The following DEAF1 variants were observed in gnomAD, a reference collection of about 807,000 sequenced individuals.
DEAF1 encodes DEAF1 transcription factor.
DEAF1 carries 53 observed loss-of-function variants against 58.9 expected under a neutral mutation model. The ratio of observed to expected loss-of-function variants is 0.90; its 90% CI spans 0.72 to 1.13. The LOEUF (loss-of-function observed/expected upper bound fraction) is 1.13, where lower values mean the gene tolerates loss of function less well. Ranked by LOEUF, DEAF1 falls within the 50% of genes most tolerant of loss-of-function variation. The pLI, the probability that DEAF1 is intolerant of heterozygous loss-of-function variation, is 0.00. For missense variants in DEAF1, 685 were observed against 791.4 expected, an observed-to-expected ratio of 0.87 and a Z score of 1.61; for synonymous variants, 385 against 340.4, an observed-to-expected ratio of 1.13 and a Z score of -1.44.
Position 686,990 on chromosome 11 carries a change from C to G in DEAF1, c.672G>C (p.Arg224=). Residue 224 remains arginine, a synonymous_variant, in exon 5 of 12, where the codon CGG becomes CGC. Transcript: ENST00000382409. ...LYKNRLGSGG[R]GRCIKQGENW... is the part of the protein sequence containing the mutation. ...TCTCCCCCTGCTTGATGCACCGTCC[C>G]CGGCCGCCTGCAAGGAAGGGCAGCA... The G allele has an allele frequency of 6.2e-7, 1 of 1,614,158 alleles. No individual in the cohort carries two copies.
At chr11:670,576 G>A (rs545472812) in intron 10 of DEAF1, among the ~76,000 whole-genome samples, 14 of 151,606 alleles carry the variant, frequency 9.2e-5, no homozygotes, top group South Asian at 8.3e-4. Flanking sequence ...ATAGCTGGGC[G>A]TGGTTGCACA....
intron 10 of DEAF1, among the ~76,000 whole-genome samples, chr11:669,057 C>T (rs1859684869): frequency 6.6e-6 from 1 of 151,322 alleles, no homozygotes; most frequent in African/African-American, 2.4e-5. Context: ...GACCTCCTGA[C>T]CTTGTGATCT....
At chr11:695,428 A>C, upstream of DEAF1, 1 of 436,426 alleles carries the variant, frequency 2.3e-6, no homozygotes, top group Non-Finnish European at 3.8e-6. Flanking sequence ...TGACAGGCTG[A>C]GGCGGCTGTC....
At chr11:695,697 G>A, upstream of DEAF1, 1 of 1,242,568 alleles carries the variant, frequency 8.0e-7, no homozygotes, top group South Asian at 3.8e-5. Context: ...GCCGTGGCTC[G>A]GACGTCCGCT....
intron 11 of DEAF1, 160 bp downstream of exon 11, chr11:653,802 G>T (rs939251025): frequency 1.0e-5 from 7 of 700,884 alleles, no homozygotes; most frequent in African/African-American, 7.0e-5. Context: ...CTTCTGCAGG[G>T]TCTTCACGGA....
At chr11:668,921 A>T (rs573143038) in intron 10 of DEAF1, among the ~76,000 whole-genome samples, 46 of 152,062 alleles carry the variant, frequency 3.0e-4, no homozygotes, top group African/African-American at 1.0e-3. Flanking sequence ...TGCCTCCTGG[A>T]TTCATGCCAT....
intron 10 of DEAF1, among the ~76,000 whole-genome samples, chr11:670,536 G>A (rs990700501): frequency 2.0e-5 from 3 of 151,322 alleles, no homozygotes; most frequent in Non-Finnish European, 4.4e-5. Context: ...CCAACATGGC[G>A]AAACCTCTTC....
chr11:695,048 C>G lies in DEAF1; in HGVS notation c.-1G>C. On this transcript the variant is annotated 5_prime_UTR_variant, in exon 1 of 12. Coordinates refer to ENST00000382409, the MANE Select transcript of DEAF1 (RefSeq NM_021008.4). ...TTGCCGCCGAGTCCGAGTCCTCCAT[C>G]CGGACTCCGCCGAGCCTTCCCGAAG... 4 of 1,432,720 alleles carry G rather than the reference C, an allele frequency of 2.8e-6. No homozygotes were observed. The highest frequency in any genetic ancestry group is 3.7e-6 in the Non-Finnish European group (4 of 1,093,232). 88.8% of individuals were successfully genotyped at this position (1,432,720 alleles called of 1,614,324 possible).
chr11:662,153 C>T lies in DEAF1; in HGVS notation c.1504-8102G>A, dbSNP rs181190634. Among the ~76,000 whole-genome samples the T allele has an allele frequency of 1.1e-4, 17 of 152,220 alleles. No individual in the cohort carries two copies. In the East Asian group the frequency reaches 2.5e-3, roughly 23 times the overall value. ...AACTAGCTGGGCGCAGTAGTGCGCA[C>T]CTGTAATCCCAGCTACTCGAGAGGC... On this transcript the variant is annotated intron_variant, in intron 10 of 11. Transcript: ENST00000382409.
chr11:694,535 G>T, intron 1 of DEAF1: 2 of 370,826 alleles, frequency 5.4e-6, no homozygotes, highest in Non-Finnish European at 4.7e-6. Flanking sequence ...TGTGAGGGGT[G>T]AGCTAGTCAC....
chr11:678,746 G>T lies in DEAF1; in HGVS notation c.1203C>A (p.Cys401Ter). The T allele has an allele frequency of 6.2e-7, 1 of 1,614,212 alleles. No homozygotes were observed. The highest frequency in any genetic ancestry group is 8.5e-7 in the Non-Finnish European group (1 of 1,180,028). ...CAGCTTCTGGAAACGGTGCGATCTG[G>T]CAGCTGTCCTGATAGCCGGGGTAGT... ...EPHYPGYQDS[C>*]QIAPFPEAAL... The change falls in exon 9 of 12, where the codon TGC becomes TGA. Residue 401 changes from cysteine (C) to a stop codon, truncating the protein, a stop_gained. Coordinates refer to ENST00000382409, the MANE Select transcript of DEAF1 (RefSeq NM_021008.4). LOFTEE classifies it high-confidence loss of function.
At chr11:655,010 T>C (rs1437154351) in intron 10 of DEAF1, among the ~76,000 whole-genome samples, 7 of 149,628 alleles carry the variant, frequency 4.7e-5, no homozygotes, top group Admixed American at 6.6e-5. Flanking sequence ...GATTGTACCA[T>C]TGCACTCCAG....
chr11:694,639 G>T, intron 1 of DEAF1, 120 bp downstream of exon 1: 1 of 987,250 alleles, frequency 1.0e-6, no homozygotes, highest in Non-Finnish European at 1.3e-6. Context: ...GGCTGGTCAC[G>T]TGGAGCAGGT....
intron 10 of DEAF1, among the ~76,000 whole-genome samples, chr11:657,723 C>A (rs545450909): frequency 6.6e-6 from 1 of 152,272 alleles, no homozygotes; most frequent in South Asian, 2.1e-4. Flanking sequence ...AGCACCCCTC[C>A]CTGAAACCTG....
chr11:678,624 T>G (rs753747677), intron 9 of DEAF1, 70 bp downstream of exon 9: 3 of 1,607,482 alleles, frequency 1.9e-6, no homozygotes, highest in Non-Finnish European at 2.6e-6. Flanking sequence ...CCATTTCACT[T>G]AGGAATTCTT....
chr11:685,704 A>C (rs1860564777), intron 5 of DEAF1, among the ~76,000 whole-genome samples: 1 of 152,056 alleles, frequency 6.6e-6, no homozygotes, highest in Non-Finnish European at 1.5e-5. Flanking sequence ...TCAAAAAAAA[A>C]AAAAATTGTG....
At chr11:701,716 G>A (rs1046175206) in intron 1 of DEAF1, among the ~76,000 whole-genome samples, 5 of 152,054 alleles carry the variant, frequency 3.3e-5, no homozygotes, top group African/African-American at 4.8e-5. Flanking sequence ...GCCGGAGACA[G>A]GGTTTCGCTA....
intron 10 of DEAF1, among the ~76,000 whole-genome samples, chr11:673,150 AAAAAT>A (rs1411982440): frequency 2.6e-5 from 4 of 152,120 alleles, no homozygotes; most frequent in Admixed American, 6.5e-5. Flanking sequence ...CTCCGTCTCA[AAAAAT>A]AAAATAAAGT....
chr11:706,620 C>T (rs1861726109), exon 1 of DEAF1: 1 of 152,806 alleles, frequency 6.5e-6, no homozygotes, highest in African/African-American at 2.4e-5. Context: ...GGGGGCAATC[C>T]CTGCGTCCGG....
Sources: gnomAD v4.1 joint callset for allele counts (sites outside exome capture counted in the v4.1 genomes callset) on GRCh38, gnomAD v4.1.1 for gene constraint, MANE v1.5 for transcripts, NCBI Gene and HGNC (gene_info 2026-07-23, HGNC 2026-07-21) for gene names.